The following POLR1D variants were observed in gnomAD, a reference collection of about 807,000 sequenced individuals.
POLR1D encodes the protein DNA-directed RNA polymerases I and III subunit RPAC2.
Under a neutral mutation model 10.8 loss-of-function variants are expected in POLR1D, and 8 were observed. The ratio of observed to expected loss-of-function variants is 0.74; its 90% CI spans 0.43 to 1.33. The LOEUF (loss-of-function observed/expected upper bound fraction) is 1.33. Ranked by LOEUF, POLR1D falls within the 40% of genes most tolerant of loss-of-function variation. POLR1D has a pLI of 0.01. For missense variants in POLR1D, 152 were observed against 161.7 expected, an observed-to-expected ratio of 0.94 and a Z score of 0.32; for synonymous variants, 54 against 57.2, an observed-to-expected ratio of 0.94 and a Z score of 0.25.
intron 1 of POLR1D, among the ~76,000 whole-genome samples, chr13:27,634,095 T>C (rs1347526367): frequency 6.6e-6 from 1 of 152,224 alleles, no homozygotes; most frequent in Non-Finnish European, 1.5e-5. Context: ...TTTGTTTACA[T>C]GGCAAAGACT....
intron 2 of POLR1D, among the ~76,000 whole-genome samples, chr13:27,653,395 A>G (rs1171000144): frequency 6.6e-6 from 1 of 152,214 alleles, no homozygotes; most frequent in Non-Finnish European, 1.5e-5. Flanking sequence ...AGGTATAGGG[A>G]AAAAGCATGT....
intron 2 of POLR1D, chr13:27,664,697 A>C (rs537169083): frequency 1.3e-5 from 2 of 152,366 alleles, no homozygotes; most frequent in African/African-American, 4.8e-5. Context: ...ACTAGTCCAC[A>C]CAATTCCTAT....
At chr13:27,638,011 T>G (rs1053298065) in intron 1 of POLR1D, among the ~76,000 whole-genome samples, 7 of 152,184 alleles carry the variant, frequency 4.6e-5, no homozygotes, top group Non-Finnish European at 8.8e-5. Flanking sequence ...GTACTATTTT[T>G]TCAAAATCTC....
exon 3 of POLR1D, chr13:27,665,897 C>T (rs1956412094): frequency 6.2e-7 from 1 of 1,614,180 alleles, no homozygotes; most frequent in Non-Finnish European, 8.5e-7. Context: ...CAGTTACTCC[C>T]CGCCACGAAA....
downstream of POLR1D, among the ~76,000 whole-genome samples, chr13:27,624,342 A>G (rs564700760): frequency 1.3e-5 from 2 of 152,302 alleles, no homozygotes; most frequent in East Asian, 1.9e-4. Flanking sequence ...TACCTGGAAC[A>G]CCTGACAGGT....
chr13:27,657,159 T>C (rs777356234), intron 2 of POLR1D, among the ~76,000 whole-genome samples: 7 of 152,192 alleles, frequency 4.6e-5, no homozygotes, highest in Admixed American at 6.5e-5. Context: ...CAGTAATATA[T>C]AACAAATATG....
chr13:27,632,236 A>G (rs1430355557), intron 1 of POLR1D, among the ~76,000 whole-genome samples: 1 of 152,232 alleles, frequency 6.6e-6, no homozygotes, highest in Non-Finnish European at 1.5e-5. Flanking sequence ...GGAGAGTGAT[A>G]TGAATTTTCC....
chr13:27,661,151 T>C (rs1443942926), intron 2 of POLR1D, among the ~76,000 whole-genome samples: 2 of 152,196 alleles, frequency 1.3e-5, no homozygotes, highest in African/African-American at 4.8e-5. Flanking sequence ...GCCTTTCCCA[T>C]GGCATGTGGA....
intron 1 of POLR1D, among the ~76,000 whole-genome samples, chr13:27,637,312 G>C (rs1956133936): frequency 6.6e-6 from 1 of 152,154 alleles, no homozygotes; most frequent in Non-Finnish European, 1.5e-5. Context: ...AATCTCTGCA[G>C]CCTTTCTAGT....
intron 1 of POLR1D, among the ~76,000 whole-genome samples, chr13:27,638,598 T>G (rs1211081938): frequency 6.6e-6 from 1 of 152,168 alleles, no homozygotes; most frequent in African/African-American, 2.4e-5. Context: ...AATCAGAGAC[T>G]GAAATCTACA....
intron 1 of POLR1D, among the ~76,000 whole-genome samples, chr13:27,640,131 C>T (rs1956161093): frequency 6.6e-6 from 1 of 152,004 alleles, no homozygotes. Flanking sequence ...GTACTGTTAC[C>T]ATTATAATTT....
intron 1 of POLR1D, among the ~76,000 whole-genome samples, chr13:27,643,274 T>C (rs1321090236): frequency 6.6e-6 from 1 of 152,228 alleles, no homozygotes; most frequent in Non-Finnish European, 1.5e-5. Context: ...TTAGTTTATG[T>C]CTGTGAATAA....
At chr13:27,662,481 G>C (rs1285108027) in intron 2 of POLR1D, among the ~76,000 whole-genome samples, 2 of 152,118 alleles carry the variant, frequency 1.3e-5, no homozygotes, top group Non-Finnish European at 2.9e-5. Context: ...GTCAGATCAA[G>C]TTTTGCTGCC....
chr13:27,648,465 G>T, intron 2 of POLR1D: 1 of 1,574,926 alleles, frequency 6.3e-7, no homozygotes, highest in South Asian at 1.1e-5. Context: ...TAAGTTCTTT[G>T]AGTAATCTTC....
rs777412814 is a variant in POLR1D at position 27,622,922 on chromosome 13, C to T, written c.74C>T (p.Thr25Ile). 28 of 1,611,756 alleles carry T rather than the reference C, an allele frequency of 1.7e-5. No homozygotes were observed. The highest frequency in any genetic ancestry group is 2.4e-5 in the Non-Finnish European group (28 of 1,177,842). ...KTSMAEGERK[T>I]ALEMVQAAGT... ...TCAATGGCTGAAGGCGAGAGGAAGA[C>T]AGCCCTGGAAATGGTCCAGGCAGCT... The change falls in exon 2 of 2, where the codon ACA (threonine) becomes ATA (isoleucine). Residue 25 changes from threonine to isoleucine, a missense_variant. By Grantham distance (89) the Thr-to-Ile change is moderately conservative (BLOSUM62 -1). Transcript: ENST00000302979.
intron 1 of POLR1D, among the ~76,000 whole-genome samples, chr13:27,631,447 C>T (rs1956072465): frequency 1.3e-5 from 2 of 152,134 alleles, no homozygotes; most frequent in African/African-American, 4.8e-5. Context: ...GTAAGTCCAG[C>T]CCACACTTGA....
chr13:27,644,034 GAC>G (rs1952868911), intron 1 of POLR1D, among the ~76,000 whole-genome samples: 1 of 152,154 alleles, frequency 6.6e-6, no homozygotes, highest in Non-Finnish European at 1.5e-5. Context: ...GACTGAGAGA[GAC>G]ACAAATGAGG....
At chr13:27,659,963 A>G (rs1956347788) in intron 2 of POLR1D, among the ~76,000 whole-genome samples, 1 of 151,184 alleles carries the variant, frequency 6.6e-6, no homozygotes, top group Admixed American at 6.6e-5. Context: ...TATACAGACA[A>G]ACACATGTCA....
chr13:27,623,389 G>A lies in POLR1D; in HGVS notation c.*139G>A. The A allele has an allele frequency of 6.7e-7, 1 of 1,500,368 alleles. No homozygotes were observed. Among genetic ancestry groups the A allele is most frequent in the Non-Finnish European group, 8.9e-7 (1 of 1,126,224 alleles). The allele number at this position is 1,500,368 out of a possible 1,614,324, so 92.9% of individuals were successfully genotyped here. On this transcript the variant is annotated 3_prime_UTR_variant, in exon 2 of 2. Transcript: ENST00000302979. ...TGATTCTAGCTGTTGACCCCTTGCA[G>A]CTGTTGGAATCTCTGCAAGAACCTC...
Sources: gnomAD v4.1 joint callset for allele counts (sites outside exome capture counted in the v4.1 genomes callset) on GRCh38, gnomAD v4.1.1 for gene constraint, MANE v1.5 for transcripts, NCBI Gene and HGNC (gene_info 2026-07-23, HGNC 2026-07-21) for gene names.